GPALPP1: variants seen among roughly 807,000 people sequenced by gnomAD.
The protein encoded by GPALPP1 is GPALPP motifs-containing protein 1.
Under a neutral mutation model 38.9 loss-of-function variants are expected in GPALPP1, and 30 were observed. That is an observed-to-expected ratio of 0.77 (90% CI 0.58 to 1.05). The LOEUF (loss-of-function observed/expected upper bound fraction) is 1.05, where lower values mean the gene tolerates loss of function less well. Ranked by LOEUF, GPALPP1 falls within the 50% of genes least tolerant of loss-of-function variation. The probability of loss-of-function intolerance (pLI) is 0.00; values close to 1 mark genes in which losing one functional copy is unlikely to be tolerated. For synonymous variants in GPALPP1, 120 were observed against 139.2 expected (o/e 0.86, Z 0.97); for missense variants, 384 against 408.8 (o/e 0.94, Z 0.52).
At chr13:45,019,721 C>T (rs989318559) in intron 6 of GPALPP1, among the ~76,000 whole-genome samples, 5 of 148,714 alleles carry the variant, frequency 3.4e-5, no homozygotes, top group African/African-American at 1.2e-4. Context: ...TCTTTTTAAG[C>T]CTTATTTTCA....
chr13:45,006,167 CAT>C (rs1415738653), intron 2 of GPALPP1, 33 bp from the exon 3 acceptor site: 1 of 1,226,576 alleles, frequency 8.2e-7, no homozygotes, highest in East Asian at 2.4e-5. Context: ...AAAATTTTGA[CAT>C]ATATGCATAA....
At chr13:45,014,787 A>G (rs1874715232) in intron 4 of GPALPP1, among the ~76,000 whole-genome samples, 165 bp from the exon 5 acceptor site, 1 of 152,230 alleles carries the variant, frequency 6.6e-6, no homozygotes, top group African/African-American at 2.4e-5. Flanking sequence ...CACTTGAGGA[A>G]GGTGAGGAAA....
At chr13:45,001,483 A>C (rs1007293898) in intron 1 of GPALPP1, among the ~76,000 whole-genome samples, 49 of 150,296 alleles carry the variant, frequency 3.3e-4, no homozygotes, top group African/African-American at 1.2e-3. Context: ...CAAACTCTCA[A>C]CTCTCCCCTC....
chr13:45,017,842 A>G (rs930074295), intron 6 of GPALPP1, among the ~76,000 whole-genome samples: 1 of 152,204 alleles, frequency 6.6e-6, no homozygotes, highest in African/African-American at 2.4e-5. Flanking sequence ...ATAAGTCTTA[A>G]ATTTTATATA....
At chr13:45,000,595 T>C (rs1873603691) in intron 1 of GPALPP1, among the ~76,000 whole-genome samples, 1 of 151,906 alleles carries the variant, frequency 6.6e-6, no homozygotes, top group Non-Finnish European at 1.5e-5. Context: ...ATACAATTGA[T>C]AAATTACATG....
chr13:44,995,391 C>G lies in GPALPP1; in HGVS notation c.88+5649C>G, dbSNP rs188118125. 3.0e-3 allele frequency among the ~76,000 whole-genome samples: 457 copies of G among 151,920 alleles called. 2 individuals carry two copies. Among genetic ancestry groups the G allele is most frequent in the African/African-American group, 9.8e-3 (405 of 41,466 alleles). Reference sequence around the variant, plus strand: ...CTCTTTTAAGTGATGATATTCCCACCCATGGGGTGAAGGTTTTTATATAAG... The same window carrying G: ...CTCTTTTAAGTGATGATATTCCCACGCATGGGGTGAAGGTTTTTATATAAG... On this transcript the variant is annotated intron_variant, in intron 1 of 7. Coordinates refer to ENST00000379151, the MANE Select transcript of GPALPP1 (RefSeq NM_018559.5).
At chr13:45,034,625 T>C (rs962220216), downstream of GPALPP1, 1 of 152,110 alleles carries the variant, frequency 6.6e-6, no homozygotes, top group East Asian at 1.9e-4. Context: ...TGGGTCTTCA[T>C]AGTGTCTACT....
chr13:45,013,574 A>G (rs1874627194), intron 4 of GPALPP1, among the ~76,000 whole-genome samples: 1 of 152,222 alleles, frequency 6.6e-6, no homozygotes, highest in African/African-American at 2.4e-5. Context: ...TGACTGGACT[A>G]GAATTACCAA....
rs1282550840 is a variant in GPALPP1 at position 45,010,046 on chromosome 13, C to G, written c.408+1167C>G. Among the ~76,000 whole-genome samples, 3 of 152,148 alleles carry G rather than the reference C, an allele frequency of 2.0e-5. No individual in the cohort carries two copies. The East Asian group carries it at 5.8e-4, about 29-fold the overall frequency. ...ATCATGTCACTAACACTCAAAACCA[C>G]CAAATTACTCCTCCTCTCCCTAAGT... is the stretch of plus-strand genomic sequence containing the variant. On this transcript the variant is annotated intron_variant, in intron 4 of 7. Coordinates refer to ENST00000379151, the MANE Select transcript of GPALPP1 (RefSeq NM_018559.5).
rs749649900 is a variant in GPALPP1 at position 45,004,408 on chromosome 13, TGAA to T, written c.198_200del (p.Glu66del). 1.2e-5 allele frequency: 19 copies of T among 1,609,942 alleles called. No homozygotes were observed. Among genetic ancestry groups the T allele is most frequent in the African/African-American group, 2.7e-5 (2 of 74,838 alleles). On this transcript the variant is annotated inframe_deletion, in exon 2 of 8. Coordinates refer to ENST00000379151, the MANE Select transcript of GPALPP1 (RefSeq NM_018559.5). ...TGTACGAAGAAGGAAATCAAGAATCTGAAGAAGATGACAGTGGTCCAACTGCAA... is the reference window on the plus strand; with the variant it reads ...TGTACGAAGAAGGAAATCAAGAATCTGAAGATGACAGTGGTCCAACTGCAA...
exon 8 of GPALPP1, chr13:45,036,563 A>C (rs1876403217): frequency 6.6e-6 from 1 of 152,242 alleles, no homozygotes; most frequent in Non-Finnish European, 1.5e-5. Flanking sequence ...CTAAGGTATT[A>C]ACTTCAGAAG....
intron 6 of GPALPP1, among the ~76,000 whole-genome samples, chr13:45,018,930 A>ACATATAAAT (rs1555256239): frequency 1.2e-5 from 1 of 82,944 alleles, no homozygotes; most frequent in African/African-American, 8.0e-5. Context: ...TAAATGTATA[A>ACATATAAAT]ATATATACAT....
At chr13:45,003,960 G>GT (rs954926200) in intron 1 of GPALPP1, among the ~76,000 whole-genome samples, 34 of 148,234 alleles carry the variant, frequency 2.3e-4, no homozygotes, top group African/African-American at 6.7e-4. Context: ...TTGTTTGTTT[G>GT]TTTTTTTGTT....
intron 7 of GPALPP1, among the ~76,000 whole-genome samples, chr13:45,025,175 A>C (rs902384978): frequency 6.6e-6 from 1 of 152,212 alleles, no homozygotes; most frequent in Non-Finnish European, 1.5e-5. Flanking sequence ...TTTTACCATC[A>C]ATTGTGTTTT....
Position 45,004,194 on chromosome 13 carries a change from A to G in GPALPP1, c.89-111A>G, listed in dbSNP as rs993065220. 1.4e-5 allele frequency: 11 copies of G among 810,740 alleles called. No individual in the cohort carries two copies. In the African/African-American group the frequency reaches 1.7e-4, roughly 13 times the overall value. The allele number at this position is 810,740 out of a possible 1,614,324, so 50.2% of individuals were successfully genotyped here. On this transcript the variant is annotated intron_variant, in intron 1 of 7. Transcript: ENST00000379151. ...CAATTGAGATTAAAGTGAATAATAAATGATAGACAGCCAGTGCTGTTTATT... is the reference window on the plus strand; with the variant it reads ...CAATTGAGATTAAAGTGAATAATAAGTGATAGACAGCCAGTGCTGTTTATT...
At chr13:45,017,091 A>G (rs1437908024) in intron 6 of GPALPP1, among the ~76,000 whole-genome samples, 2 of 152,226 alleles carry the variant, frequency 1.3e-5, no homozygotes, top group East Asian at 3.8e-4. Context: ...AGTACCTAGA[A>G]TTGTCAGGAT....
At chr13:45,003,830 A>G (rs1204059877) in intron 1 of GPALPP1, among the ~76,000 whole-genome samples, 2 of 152,160 alleles carry the variant, frequency 1.3e-5, no homozygotes, top group South Asian at 2.1e-4. Context: ...AATCATCTCA[A>G]AAAGAAAACT....
At chr13:44,997,091 CTTT>C (rs74521338) in intron 1 of GPALPP1, among the ~76,000 whole-genome samples, 4 of 141,796 alleles carry the variant, frequency 2.8e-5, no homozygotes, top group African/African-American at 2.6e-5. Context: ...CAGTATTTGT[CTTT>C]TTTTTTTTTT....
chr13:45,006,584 T>G (rs2137973575), intron 3 of GPALPP1, among the ~76,000 whole-genome samples: 1 of 152,272 alleles, frequency 6.6e-6, no homozygotes, highest in Middle Eastern at 3.4e-3. Flanking sequence ...TCTCCCCACT[T>G]TATAAACAGA....
Sources: allele counts gnomAD v4.1 joint callset (sites outside exome capture counted in the v4.1 genomes callset), GRCh38; gene constraint gnomAD v4.1.1; transcripts MANE v1.5; gene names NCBI Gene and HGNC (gene_info 2026-07-23, HGNC 2026-07-21).